Variants in CDH8 observed in about 807,000 individuals in gnomAD.
CDH8 encodes cadherin-8.
In CDH8, 17 loss-of-function variants were observed where a neutral mutation model predicts 68.1. The ratio of observed to expected loss-of-function variants is 0.25; its 90% CI spans 0.17 to 0.37. The LOEUF (loss-of-function observed/expected upper bound fraction) is 0.37, where lower values mean the gene tolerates loss of function less well. Among genes scored for constraint, CDH8 ranks in the 10% least tolerant of loss-of-function variants. The pLI is 1.00. For missense variants in CDH8, 763 were observed against 999.3 expected, an observed-to-expected ratio of 0.76 and a Z score of 3.19; for synonymous variants, 372 against 365.1, an observed-to-expected ratio of 1.02 and a Z score of -0.21.
Position 61,963,858 on chromosome 16 carries a change from G to C in CDH8, c.252+57294C>G, listed in dbSNP as rs527605283. 1.4e-4 allele frequency among the ~76,000 whole-genome samples: 22 copies of C among 152,264 alleles called. No homozygotes were observed. In the Middle Eastern group the frequency reaches 0.017, roughly 118 times the overall value. The stretch of plus-strand genomic sequence containing the variant: ...TGAATGCTTAGAAACACACTTTTAA[G>C]TTTGTTCAAACCCTTTCTATCTTGC... On this transcript the variant is annotated intron_variant, in intron 2 of 11. Coordinates refer to ENST00000577390, the MANE Select transcript of CDH8 (RefSeq NM_001796.5).
intron 2 of CDH8, among the ~76,000 whole-genome samples, chr16:61,966,217 C>G (rs906864186): frequency 2.6e-5 from 4 of 152,044 alleles, no homozygotes; most frequent in African/African-American, 9.7e-5. Flanking sequence ...AGGAACCCAA[C>G]TTGTATGTTG....
At chr16:61,920,401 T>A (rs1231905982) in intron 2 of CDH8, among the ~76,000 whole-genome samples, 3 of 147,480 alleles carry the variant, frequency 2.0e-5, no homozygotes, top group African/African-American at 5.0e-5. Flanking sequence ...TCAAACAAAT[T>A]TACAAGAAAA....
intron 2 of CDH8, among the ~76,000 whole-genome samples, chr16:61,908,019 C>A (rs1025916872): frequency 1.3e-4 from 17 of 132,666 alleles, no homozygotes; most frequent in African/African-American, 4.8e-4. Flanking sequence ...CTCCAGCCTG[C>A]GCGACAGAGT....
intron 4 of CDH8, among the ~76,000 whole-genome samples, chr16:61,834,076 A>G (rs1357618295): frequency 1.3e-5 from 2 of 152,098 alleles, no homozygotes; most frequent in East Asian, 3.9e-4. Context: ...TACAAAGAGA[A>G]AAAGAGAAGA....
intron 3 of CDH8, among the ~76,000 whole-genome samples, chr16:61,899,754 A>G (rs549302039): frequency 6.6e-6 from 1 of 152,124 alleles, no homozygotes; most frequent in South Asian, 2.1e-4. Context: ...CTTGCAAATT[A>G]AGTCATTTAT....
Position 62,000,114 on chromosome 16 carries a change from A to G in CDH8, c.252+21038T>C, listed in dbSNP as rs377497218. The stretch of plus-strand genomic sequence containing the variant: ...GCTGAGAATGATGGTTTCTATCTTC[A>G]TCCATGTCCCTGCAAAGGACATGAA... On this transcript the variant is annotated intron_variant, in intron 2 of 11. Transcript: ENST00000577390. Among the ~76,000 whole-genome samples the G allele has an allele frequency of 2.6e-5, 4 of 152,184 alleles. No homozygotes were observed. The East Asian group carries it at 7.7e-4, about 29-fold the overall frequency.
At chr16:61,804,655 G>A (rs1195011870) in intron 7 of CDH8, among the ~76,000 whole-genome samples, 2 of 150,418 alleles carry the variant, frequency 1.3e-5, no homozygotes, top group Non-Finnish European at 2.9e-5. Flanking sequence ...CGATCCCACA[G>A]AAATACAAAC....
rs1400390853 is a variant in CDH8 at position 61,817,519 on chromosome 16, C to G, written c.1237G>C (p.Val413Leu). 1 of 1,614,000 alleles carries G rather than the reference C, an allele frequency of 6.2e-7. No individual in the cohort carries two copies. Among genetic ancestry groups the G allele is most frequent in the Admixed American group, 1.7e-5 (1 of 59,994 alleles). The change falls in exon 7 of 12, where the codon GTG becomes CTG. Residue 413 changes from valine to leucine, a missense_variant. Around this residue, in one of 2 missense-constraint regions of CDH8, gnomAD observed 366 missense variants for 563.1 expected, o/e 0.65. Coordinates refer to ENST00000577390, the MANE Select transcript of CDH8 (RefSeq NM_001796.5). Reference sequence around the variant, plus strand: ...GTGATATCAGGGTCACGAGCAGTCACTTGCCCAATCACGGAGTTTAGAGCA... The same window carrying G: ...GTGATATCAGGGTCACGAGCAGTCAGTTGCCCAATCACGGAGTTTAGAGCA... ...NAALNSVIGQ[V>L]TARDPDITSS...
At chr16:61,812,625 A>G (rs940791841) in intron 7 of CDH8, among the ~76,000 whole-genome samples, 2 of 152,232 alleles carry the variant, frequency 1.3e-5, no homozygotes, top group African/African-American at 4.8e-5. Flanking sequence ...ACATGAAAGA[A>G]CTGACTTATT....
intron 10 of CDH8, among the ~76,000 whole-genome samples, chr16:61,705,219 G>A (rs184737906): frequency 2.6e-5 from 4 of 152,178 alleles, no homozygotes; most frequent in East Asian, 3.9e-4. Context: ...CCAGTGTCAC[G>A]GCCAGAGATC....
intron 7 of CDH8, among the ~76,000 whole-genome samples, chr16:61,809,213 A>T (rs1466686507): frequency 1.3e-5 from 2 of 152,192 alleles, no homozygotes; most frequent in Non-Finnish European, 2.9e-5. Context: ...TTACTAAAAA[A>T]AAACAAAAAA....
chr16:61,739,676 C>T (rs889280475), intron 8 of CDH8, among the ~76,000 whole-genome samples: 3 of 148,390 alleles, frequency 2.0e-5, no homozygotes, highest in African/African-American at 5.0e-5. Context: ...TGAGTCCAAA[C>T]GAAATCATGC....
chr16:61,842,802 C>A (rs574502951), intron 4 of CDH8, among the ~76,000 whole-genome samples: 1 of 152,152 alleles, frequency 6.6e-6, no homozygotes, highest in Non-Finnish European at 1.5e-5. Flanking sequence ...ATTCTGAATA[C>A]CTTAGGATCA....
chr16:61,770,036 C>T (rs1460783542), intron 8 of CDH8, among the ~76,000 whole-genome samples: 1 of 151,840 alleles, frequency 6.6e-6, no homozygotes, highest in Non-Finnish European at 1.5e-5. Context: ...CAGGCTTTGA[C>T]ATCAAATCTG....
chr16:62,026,407 C>T lies in CDH8; in HGVS notation c.-199-4805G>A, dbSNP rs557256101. 3.8e-4 allele frequency among the ~76,000 whole-genome samples: 58 copies of T among 152,304 alleles called. 1 individual carries two copies. In the South Asian group the frequency reaches 0.012, roughly 30 times the overall value. Reference sequence around the variant, plus strand: ...ATGCTACTTACTGATTTGAAAACCACACTTTGCGAAGCAAGTAGTTCTACA... The same window carrying T: ...ATGCTACTTACTGATTTGAAAACCATACTTTGCGAAGCAAGTAGTTCTACA... On this transcript the variant is annotated intron_variant, in intron 1 of 11. Coordinates refer to ENST00000577390, the MANE Select transcript of CDH8 (RefSeq NM_001796.5).
intron 2 of CDH8, among the ~76,000 whole-genome samples, chr16:61,962,744 T>C (rs185424525): frequency 6.6e-5 from 10 of 152,204 alleles, no homozygotes; most frequent in Admixed American, 6.5e-4. Flanking sequence ...AAATAAGCCT[T>C]TCTTCACATC....
chr16:61,838,249 C>T (rs1052605561), intron 4 of CDH8, among the ~76,000 whole-genome samples: 1 of 152,162 alleles, frequency 6.6e-6, no homozygotes, highest in Non-Finnish European at 1.5e-5. Flanking sequence ...TCATTCTCCA[C>T]TGCCTCCTTG....
intron 2 of CDH8, among the ~76,000 whole-genome samples, chr16:62,018,200 AG>A (rs1384127609): frequency 6.6e-6 from 1 of 152,298 alleles, no homozygotes; most frequent in East Asian, 1.9e-4. Context: ...TCTGATGCTA[AG>A]GAGCTTTCTC....
At chr16:61,843,118 A>C (rs1180460817) in intron 4 of CDH8, among the ~76,000 whole-genome samples, 3 of 151,412 alleles carry the variant, frequency 2.0e-5, no homozygotes, top group Non-Finnish European at 4.4e-5. Context: ...TATACTTTAT[A>C]CTTCAGGGCT....
Sources: gnomAD v4.1 joint callset for allele counts (sites outside exome capture counted in the v4.1 genomes callset) on GRCh38, gnomAD v4.1.1 for gene constraint, gnomAD v4.1.1 regional missense constraint, MANE v1.5 for transcripts, NCBI Gene and HGNC (gene_info 2026-07-23, HGNC 2026-07-21) for gene names.